The following AOAH variants were observed in gnomAD, a reference collection of about 807,000 sequenced individuals.
AOAH encodes acyloxyacyl hydrolase (neutrophil).
Under a neutral mutation model 92.2 loss-of-function variants are expected in AOAH, and 64 were observed. That is an observed-to-expected ratio of 0.69 (90% CI 0.57 to 0.86). The LOEUF is 0.86. Among genes scored for constraint, AOAH ranks in the 40% least tolerant of loss-of-function variants. The pLI, the probability that AOAH is intolerant of heterozygous loss-of-function variation, is 0.00. For synonymous variants in AOAH, 263 were observed against 254.5 expected (o/e 1.03, Z -0.32); for missense variants, 656 against 694.6 (o/e 0.94, Z 0.62).
At chr7:36,648,709 A>G (rs1332434219) in intron 4 of AOAH, among the ~76,000 whole-genome samples, 1 of 151,882 alleles carries the variant, frequency 6.6e-6, no homozygotes, top group Non-Finnish European at 1.5e-5. Context: ...CATCTAGCTT[A>G]AATTTTTTTC....
intron 11 of AOAH, among the ~76,000 whole-genome samples, chr7:36,605,873 T>C (rs942054399): frequency 6.6e-6 from 1 of 152,228 alleles, no homozygotes; most frequent in Admixed American, 6.5e-5. Flanking sequence ...TCACTGCTGC[T>C]GGAGAGCAGA....
chr7:36,665,959 C>T (rs1795510249), intron 3 of AOAH, among the ~76,000 whole-genome samples: 1 of 151,866 alleles, frequency 6.6e-6, no homozygotes, highest in Non-Finnish European at 1.5e-5. Flanking sequence ...TAATATTTTG[C>T]CGAGGATTTT....
At chr7:36,639,974 G>A (rs114294675) in intron 4 of AOAH, among the ~76,000 whole-genome samples, 2,556 of 152,304 alleles carry the variant, frequency 0.017, 65 homozygotes, top group African/African-American at 0.059. Flanking sequence ...GGGAGGTAAT[G>A]ACAAGCTATG....
rs142366061 is a variant in AOAH at position 36,639,890 on chromosome 7, G to A, written c.391-1980C>T. 9.8e-5 allele frequency among the ~76,000 whole-genome samples: 15 copies of A among 152,366 alleles called. No homozygotes were observed. The East Asian group carries it at 2.7e-3, about 27-fold the overall frequency. ...GTAAACAGAAATAAGATGAAGCAGAGAGAGGGCTGAATCCCTTTGAGAGAA... is the reference window on the plus strand; with the variant it reads ...GTAAACAGAAATAAGATGAAGCAGAAAGAGGGCTGAATCCCTTTGAGAGAA... On this transcript the variant is annotated intron_variant, in intron 4 of 20. Coordinates refer to ENST00000617537, the MANE Select transcript of AOAH (RefSeq NM_001637.4).
chr7:36,531,699 A>C (rs185338024), intron 18 of AOAH, among the ~76,000 whole-genome samples: 2 of 152,274 alleles, frequency 1.3e-5, no homozygotes, highest in Non-Finnish European at 2.9e-5. Flanking sequence ...AGAAGTGTAA[A>C]CCATGTTCTT....
chr7:36,573,430 C>A (rs139650574), intron 13 of AOAH, among the ~76,000 whole-genome samples: 211 of 152,186 alleles, frequency 1.4e-3, no homozygotes, highest in Non-Finnish European at 2.4e-3. Flanking sequence ...TTTTAAAATG[C>A]GTTATAGGGT....
intron 2 of AOAH, among the ~76,000 whole-genome samples, chr7:36,685,539 A>C (rs1796946846): frequency 6.6e-6 from 1 of 152,182 alleles, no homozygotes; most frequent in Non-Finnish European, 1.5e-5. Flanking sequence ...TACAAAGAAA[A>C]ACCAAAAACA....
chr7:36,584,521 AT>A (rs138375849), intron 12 of AOAH, among the ~76,000 whole-genome samples: 1 of 151,978 alleles, frequency 6.6e-6, no homozygotes, highest in Non-Finnish European at 1.5e-5. Context: ...TCTTTATTTC[AT>A]TTTTTCCACT....
chr7:36,546,599 G>C (rs1275427557), intron 15 of AOAH, among the ~76,000 whole-genome samples: 1 of 152,244 alleles, frequency 6.6e-6, no homozygotes, highest in Non-Finnish European at 1.5e-5. Flanking sequence ...GACTGGGCTG[G>C]AGGGATCTGG....
intron 1 of AOAH, among the ~76,000 whole-genome samples, chr7:36,687,256 G>C (rs1222148735): frequency 2.0e-5 from 3 of 152,108 alleles, no homozygotes; most frequent in Non-Finnish European, 4.4e-5. Flanking sequence ...TTCCCATAGG[G>C]CTGCTGTGAT....
chr7:36,621,650 G>T, intron 8 of AOAH, 60 bp downstream of exon 8: 1 of 1,490,340 alleles, frequency 6.7e-7, no homozygotes, highest in Non-Finnish European at 9.4e-7. Context: ...AAGGAAATGT[G>T]CCTCCTGCTT....
chr7:36,648,100 G>A (rs1289416728), intron 4 of AOAH, among the ~76,000 whole-genome samples: 1 of 152,010 alleles, frequency 6.6e-6, no homozygotes, highest in East Asian at 1.9e-4. Flanking sequence ...CCAAAGTGCT[G>A]GGATTACAGG....
chr7:36,687,268 G>T (rs1484730876), intron 1 of AOAH, among the ~76,000 whole-genome samples: 1 of 152,136 alleles, frequency 6.6e-6, no homozygotes, highest in African/African-American at 2.4e-5. Flanking sequence ...TGCTGTGATG[G>T]TTAAATGAGA....
rs752722213 is a variant in AOAH at position 36,673,998 on chromosome 7, A to T, written c.235T>A (p.Leu79Met). The T allele has an allele frequency of 6.2e-7, 1 of 1,605,660 alleles. No individual in the cohort carries two copies. The highest frequency in any genetic ancestry group is 1.1e-5 in the South Asian group (1 of 90,436). The change falls in exon 3 of 21, where the codon TTG becomes ATG. Residue 79 changes from leucine to methionine, a missense_variant. Transcript: ENST00000617537. ...LCSYLPEKLF[L>M]KTTCYLVIDK... The stretch of plus-strand genomic sequence containing the variant: ...ATGACTAAATAGCAGGTGGTTTTCA[A>T]GAACAGTTTTTCTAAAAAATATAAA...
At chr7:36,513,684 C>T (rs1443098247) in intron 20 of AOAH, among the ~76,000 whole-genome samples, 3 of 152,194 alleles carry the variant, frequency 2.0e-5, no homozygotes, top group African/African-American at 4.8e-5. Context: ...GAGGGTGACC[C>T]GGTTGCCATC....
At chr7:36,668,807 G>GA (rs1387291655) in intron 3 of AOAH, among the ~76,000 whole-genome samples, 1 of 152,210 alleles carries the variant, frequency 6.6e-6, no homozygotes, top group Non-Finnish European at 1.5e-5. Context: ...TTCTCTTAAA[G>GA]ATCTATGAAG....
intron 15 of AOAH, among the ~76,000 whole-genome samples, chr7:36,545,434 T>C (rs1264085023): frequency 6.6e-6 from 1 of 152,136 alleles, no homozygotes; most frequent in East Asian, 1.9e-4. Flanking sequence ...TCTGAATAAA[T>C]AGCATGGATT....
chr7:36,679,415 T>G (rs1309201297), intron 2 of AOAH, among the ~76,000 whole-genome samples: 1 of 151,444 alleles, frequency 6.6e-6, no homozygotes, highest in Non-Finnish European at 1.5e-5. Context: ...GAGCTTAAGA[T>G]CACAACATAG....
intron 16 of AOAH, among the ~76,000 whole-genome samples, chr7:36,534,958 C>CTGTG (rs141453759): frequency 0.97 from 143,498 of 148,208 alleles, 69,576 homozygotes; most frequent in Non-Finnish European, 0.99. Flanking sequence ...GTGTGTGTAT[C>CTGTG]TGTGTCTGTG....
Sources: allele counts gnomAD v4.1 joint callset (sites outside exome capture counted in the v4.1 genomes callset), GRCh38; gene constraint gnomAD v4.1.1; transcripts MANE v1.5; gene names NCBI Gene and HGNC (gene_info 2026-07-23, HGNC 2026-07-21).